The following ASTN1 variants were observed in gnomAD, a reference collection of about 807,000 sequenced individuals.
ASTN1 encodes the protein astrotactin 1, also known as astrotactin-1.
Under a neutral mutation model 140.7 loss-of-function variants are expected in ASTN1, and 41 were observed. The observed-to-expected ratio is 0.29, with a 90% CI of 0.23 to 0.38. ASTN1 has a LOEUF of 0.38. ASTN1 is among the 10% of genes least tolerant of loss of function. The pLI, the probability that ASTN1 is intolerant of heterozygous loss-of-function variation, is 1.00. For missense variants in ASTN1, 1,479 were observed against 1,678.8 expected, an observed-to-expected ratio of 0.88 and a Z score of 2.08; for synonymous variants, 640 against 652.2, an observed-to-expected ratio of 0.98 and a Z score of 0.29.
chr1:176,874,924 G>A (rs1668500312), intron 21 of ASTN1, among the ~76,000 whole-genome samples: 1 of 152,148 alleles, frequency 6.6e-6, no homozygotes, highest in African/African-American at 2.4e-5. Context: ...TCTGCAATGA[G>A]TTGGTCAACC....
rs773976771 is a variant in ASTN1, at chr1:176,958,463, C to G, written c.1618G>C (p.Glu540Gln). ...KIFRFTYTLG[E>Q]GMWLPLSKSF... is the part of the protein sequence containing the mutation. Reference sequence around the variant, plus strand: ...TTGCTGAGGGGCAACCACATGCCCTCCCCAAGAGTGTAGGTGAATCTGCAG... The same window carrying G: ...TTGCTGAGGGGCAACCACATGCCCTGCCCAAGAGTGTAGGTGAATCTGCAG... Residue 540 changes from glutamate (E) to glutamine (Q), a missense_variant, in exon 10 of 23, where the codon GAG (glutamate) becomes CAG (glutamine). Around this residue, in one of 3 missense-constraint regions of ASTN1, gnomAD observed 729 missense variants for 860.4 expected, o/e 0.85. Coordinates refer to ENST00000361833, the MANE Select transcript of ASTN1 (RefSeq NM_004319.3). 1 of 1,612,934 alleles carries G rather than the reference C, an allele frequency of 6.2e-7. No homozygotes were observed. Among genetic ancestry groups the G allele is most frequent in the South Asian group, 1.1e-5 (1 of 90,754 alleles).
chr1:177,153,848 TA>T (rs1473937135), intron 1 of ASTN1, among the ~76,000 whole-genome samples: 2 of 152,086 alleles, frequency 1.3e-5, no homozygotes, highest in East Asian at 1.9e-4. Flanking sequence ...AAAATGCTCC[TA>T]AAAATATGAA....
At chr1:177,159,085 A>T (rs981493755) in intron 1 of ASTN1, among the ~76,000 whole-genome samples, 2 of 151,394 alleles carry the variant, frequency 1.3e-5, no homozygotes, top group African/African-American at 4.9e-5. Context: ...AAAAAAAAAA[A>T]AATTAAAATT....
At chr1:176,945,197 G>A (rs1327473021) in intron 13 of ASTN1, among the ~76,000 whole-genome samples, 4 of 151,670 alleles carry the variant, frequency 2.6e-5, no homozygotes, top group African/African-American at 7.3e-5. Context: ...TTATTCTCAG[G>A]ACTCCTTTAC....
chr1:176,953,546 C>T (rs1672280672), intron 11 of ASTN1, among the ~76,000 whole-genome samples: 1 of 152,188 alleles, frequency 6.6e-6, no homozygotes, highest in Non-Finnish European at 1.5e-5. Flanking sequence ...TATATTTCAG[C>T]AGTGATAGCT....
intron 1 of ASTN1, among the ~76,000 whole-genome samples, chr1:177,114,371 GA>G (rs1221914310): frequency 6.6e-6 from 1 of 152,016 alleles, no homozygotes; most frequent in Non-Finnish European, 1.5e-5. Flanking sequence ...TATTAGAGCA[GA>G]ATCCTAAGCC....
At chr1:176,972,144 G>T (rs1439988363) in intron 8 of ASTN1, among the ~76,000 whole-genome samples, 2 of 152,174 alleles carry the variant, frequency 1.3e-5, no homozygotes, top group Admixed American at 1.3e-4. Flanking sequence ...AAAAGGTACA[G>T]TAAAAATATA....
At chr1:177,043,001 A>G (rs1677050191) in intron 2 of ASTN1, among the ~76,000 whole-genome samples, 1 of 152,262 alleles carries the variant, frequency 6.6e-6, no homozygotes, top group South Asian at 2.1e-4. Flanking sequence ...GGCCAAATAC[A>G]ACATTTTAAA....
At chr1:176,896,699 C>T (rs891174439) in intron 16 of ASTN1, among the ~76,000 whole-genome samples, 5 of 152,162 alleles carry the variant, frequency 3.3e-5, no homozygotes, top group Admixed American at 2.6e-4. Context: ...GAGCTCTCTG[C>T]ACCCCATAAG....
chr1:176,891,606 C>T (rs1353627602), intron 17 of ASTN1, among the ~76,000 whole-genome samples: 5 of 152,120 alleles, frequency 3.3e-5, no homozygotes, highest in Non-Finnish European at 5.9e-5. Context: ...CCAGCCTGAC[C>T]AACATGGAGA....
intron 1 of ASTN1, among the ~76,000 whole-genome samples, chr1:177,142,912 G>T (rs565482132): frequency 0.036 from 4,095 of 112,794 alleles, 91 homozygotes; most frequent in African/African-American, 0.13. Context: ...AAGGGGGGGA[G>T]GGGTGCTGAG....
chr1:177,019,608 G>A (rs1675718206), intron 7 of ASTN1, among the ~76,000 whole-genome samples: 1 of 152,192 alleles, frequency 6.6e-6, no homozygotes, highest in African/African-American at 2.4e-5. Flanking sequence ...AAGCCTTTGG[G>A]CACTTGATGA....
intron 19 of ASTN1, among the ~76,000 whole-genome samples, chr1:176,883,430 G>A (rs534771535): frequency 9.5e-4 from 144 of 152,156 alleles, no homozygotes; most frequent in African/African-American, 3.3e-3. Flanking sequence ...TCCTGACCTC[G>A]TGATCCGCCC....
chr1:176,872,620 C>G (rs1238942973), intron 21 of ASTN1, among the ~76,000 whole-genome samples: 3 of 152,148 alleles, frequency 2.0e-5, no homozygotes, highest in African/African-American at 7.2e-5. Flanking sequence ...CCAGGGCTTC[C>G]CATTCCAATC....
intron 21 of ASTN1, among the ~76,000 whole-genome samples, chr1:176,872,534 T>C (rs954869662): frequency 6.6e-6 from 1 of 152,342 alleles, no homozygotes; most frequent in East Asian, 1.9e-4. Context: ...GATTTGCCAA[T>C]GGGTTGGATG....
chr1:177,042,555 C>A (rs1677027803), intron 2 of ASTN1, among the ~76,000 whole-genome samples: 1 of 152,128 alleles, frequency 6.6e-6, no homozygotes, highest in Admixed American at 6.5e-5. Flanking sequence ...AATACTGGTA[C>A]AATAAAGAAG....
chr1:176,862,849 A>G lies in ASTN1; in HGVS notation c.*1435T>C, dbSNP rs1668011678. The G allele has an allele frequency of 1.0e-6, 1 of 985,328 alleles. No homozygotes were observed. Among genetic ancestry groups the G allele is most frequent in the Admixed American group, 6.1e-5 (1 of 16,270 alleles). The allele number at this position is 985,328 out of a possible 1,614,324, so 61.0% of individuals were successfully genotyped here. On this transcript the variant is annotated 3_prime_UTR_variant, in exon 23 of 23. Transcript: ENST00000361833. ...ACTACTATTTAGAAAAAAAACCAAT[A>G]TAGCTCAATGACTAGCCTTATAGGT...
intron 18 of ASTN1, 102 bp downstream of exon 18, chr1:176,887,969 T>C (rs1669106881): frequency 1.3e-6 from 2 of 1,502,618 alleles, no homozygotes; most frequent in African/African-American, 1.4e-5. Context: ...TATTGTGTCA[T>C]ATTTTTCTTT....
At chr1:176,897,916 C>T (rs1669590590) in intron 16 of ASTN1, among the ~76,000 whole-genome samples, 1 of 152,146 alleles carries the variant, frequency 6.6e-6, no homozygotes, top group South Asian at 2.1e-4. Flanking sequence ...GCTCCCCACG[C>T]CCCCTCCTCT....
Sources: gnomAD v4.1 joint callset for allele counts (sites outside exome capture counted in the v4.1 genomes callset) on GRCh38, gnomAD v4.1.1 for gene constraint, gnomAD v4.1.1 regional missense constraint, MANE v1.5 for transcripts, NCBI Gene and HGNC (gene_info 2026-07-23, HGNC 2026-07-21) for gene names.